The following OSBP2 variants were observed in gnomAD, a reference collection of about 807,000 sequenced individuals.
OSBP2 encodes oxysterol-binding protein 2.
In OSBP2, 66 loss-of-function variants were observed where a neutral mutation model predicts 96.0. The observed-to-expected ratio is 0.69, with a 90% CI of 0.56 to 0.84. The LOEUF (loss-of-function observed/expected upper bound fraction) is 0.84, where lower values mean the gene tolerates loss of function less well. Among genes scored for constraint, OSBP2 ranks in the 40% least tolerant of loss-of-function variants. The pLI, the probability that OSBP2 is intolerant of heterozygous loss-of-function variation, is 0.00. For synonymous variants in OSBP2, 525 were observed against 520.9 expected (o/e 1.01, Z -0.11); for missense variants, 1,038 against 1,222.7 (o/e 0.85, Z 2.25).
intron 2 of OSBP2, among the ~76,000 whole-genome samples, chr22:30,799,146 G>T (rs1296942486): frequency 7.0e-6 from 1 of 142,426 alleles, no homozygotes; most frequent in African/African-American, 2.6e-5. Flanking sequence ...GTCTCACTGT[G>T]TCGCCCAGGC....
intron 2 of OSBP2, among the ~76,000 whole-genome samples, chr22:30,848,305 C>T: frequency 6.6e-6 from 1 of 152,122 alleles, no homozygotes; most frequent in South Asian, 2.1e-4. Flanking sequence ...GTCCTAAAAG[C>T]TATTGCAAAC....
chr22:30,863,721 T>G (rs2039272859), intron 2 of OSBP2, among the ~76,000 whole-genome samples: 1 of 152,156 alleles, frequency 6.6e-6, no homozygotes, highest in African/African-American at 2.4e-5. Context: ...CTGTCTCCAT[T>G]AATCACACTG....
chr22:30,904,719 A>G (rs1352926135), intron 12 of OSBP2, among the ~76,000 whole-genome samples: 1 of 152,200 alleles, frequency 6.6e-6, no homozygotes, highest in Non-Finnish European at 1.5e-5. Context: ...CTCTTCAATC[A>G]CATGGAACGT....
intron 2 of OSBP2, among the ~76,000 whole-genome samples, chr22:30,798,510 GA>G (rs1222068817): frequency 2.0e-5 from 3 of 152,132 alleles, no homozygotes; most frequent in African/African-American, 7.2e-5. Flanking sequence ...CCAATGTTGT[GA>G]AGCTTTTGCA....
Position 30,889,245 on chromosome 22 carries a change from G to T in OSBP2, c.1476+11G>T. 1 of 1,612,346 alleles carries T rather than the reference G, an allele frequency of 6.2e-7. No homozygotes were observed. Among genetic ancestry groups the T allele is most frequent in the Non-Finnish European group, 8.5e-7 (1 of 1,179,408 alleles). ...AGCTCAGCAGACAATGTAAGTGAGG[G>T]GGAGCACTGTAAGGGCCAGAAGGCA... On this transcript the variant is annotated intron_variant, in intron 6 of 13. Coordinates refer to ENST00000332585, the MANE Select transcript of OSBP2 (RefSeq NM_030758.4).
chr22:30,815,289 C>A (rs1159865319), intron 2 of OSBP2, among the ~76,000 whole-genome samples: 1 of 152,036 alleles, frequency 6.6e-6, no homozygotes. Flanking sequence ...TCTTTTTTAA[C>A]AAAACAAAAC....
intron 3 of OSBP2, among the ~76,000 whole-genome samples, chr22:30,873,478 A>G (rs2039504589): frequency 1.3e-5 from 2 of 152,100 alleles, no homozygotes; most frequent in Admixed American, 1.3e-4. Context: ...GGACTTGGAT[A>G]TGGAAGCCAC....
rs1385446537 is a variant in OSBP2 at position 30,771,398 on chromosome 22, C to T, written c.853+30029C>T. ...GCTTCCAGAGGCTCCAGAGGGGCAA[C>T]CTGGGGTGCTGGGGAGGGCCTGATG... On this transcript the variant is annotated intron_variant, in intron 2 of 13. Transcript: ENST00000332585. Among the ~76,000 whole-genome samples the T allele has an allele frequency of 2.6e-5, 4 of 152,322 alleles. No individual in the cohort carries two copies. The East Asian group carries it at 7.7e-4, about 29-fold the overall frequency.
In OSBP2 at chr22:30,703,616, C is replaced by G. The variant is rs139815080; in HGVS notation, c.644+8063C>G. On this transcript the variant is annotated intron_variant, in intron 1 of 13. Transcript: ENST00000332585. Reference sequence around the variant, plus strand: ...TTAGTCTCCCAAGTAGCTGGGAGTACAGTCACCTGCCACCATGCCCTGCTA... The same window carrying G: ...TTAGTCTCCCAAGTAGCTGGGAGTAGAGTCACCTGCCACCATGCCCTGCTA... Among the ~76,000 whole-genome samples, 397 of 152,036 alleles carry G rather than the reference C, an allele frequency of 2.6e-3. 1 individual carries two copies. The highest frequency in any genetic ancestry group is 8.9e-3 in the African/African-American group (371 of 41,472).
intron 12 of OSBP2, among the ~76,000 whole-genome samples, chr22:30,900,875 T>C (rs972879628): frequency 2.0e-5 from 3 of 152,190 alleles, no homozygotes; most frequent in African/African-American, 7.2e-5. Context: ...CATTCATATA[T>C]TTGACCATAT....
intron 1 of OSBP2, among the ~76,000 whole-genome samples, chr22:30,711,739 CAAA>C (rs34152986): frequency 1.0e-3 from 96 of 91,800 alleles, no homozygotes; most frequent in South Asian, 5.0e-3. Flanking sequence ...GACCCTATCT[CAAA>C]AAAAAAAAAA....
intron 2 of OSBP2, among the ~76,000 whole-genome samples, chr22:30,868,158 G>C (rs866941286): frequency 7.2e-5 from 11 of 152,272 alleles, no homozygotes; most frequent in Admixed American, 4.6e-4. Flanking sequence ...ACCCGGAAAG[G>C]TGTGGTACAC....
chr22:30,730,281 C>T (rs951923771), intron 1 of OSBP2, among the ~76,000 whole-genome samples: 3 of 152,080 alleles, frequency 2.0e-5, no homozygotes, highest in Non-Finnish European at 2.9e-5. Context: ...GCTTTTAAAG[C>T]CAATTTTTAT....
chr22:30,841,762 A>T (rs1332694644), intron 2 of OSBP2, among the ~76,000 whole-genome samples: 1 of 152,184 alleles, frequency 6.6e-6, no homozygotes, highest in Non-Finnish European at 1.5e-5. Context: ...GTGGTTTGGG[A>T]GGCTGAGGCA....
At chr22:30,695,583 G>C (rs1215933761) in intron 1 of OSBP2, 30 bp downstream of exon 1, 2 of 1,580,152 alleles carry the variant, frequency 1.3e-6, no homozygotes, top group East Asian at 2.2e-5. Context: ...GGACATGGGG[G>C]TTGGAGGGTG....
intron 1 of OSBP2, among the ~76,000 whole-genome samples, chr22:30,739,234 T>C (rs2089900098): frequency 6.6e-6 from 1 of 152,150 alleles, no homozygotes; most frequent in African/African-American, 2.4e-5. Flanking sequence ...ATCTTATAAG[T>C]CCGTTGTTAT....
chr22:30,711,118 G>A (rs1189126560), intron 1 of OSBP2, among the ~76,000 whole-genome samples: 1 of 152,124 alleles, frequency 6.6e-6, no homozygotes, highest in Non-Finnish European at 1.5e-5. Flanking sequence ...GTGGGAAATA[G>A]TGTTTGAAGA....
At chr22:30,758,406 T>TA (rs1569111447) in intron 2 of OSBP2, among the ~76,000 whole-genome samples, 2 of 151,718 alleles carry the variant, frequency 1.3e-5, no homozygotes, top group East Asian at 3.9e-4. Context: ...GTCTCAAAAA[T>TA]AAAATAAAAT....
chr22:30,866,261 G>A (rs77683404), intron 2 of OSBP2, among the ~76,000 whole-genome samples: 4,296 of 152,300 alleles, frequency 0.028, 168 homozygotes, highest in African/African-American at 0.097. Flanking sequence ...ATCAGAGAGA[G>A]TAGAAGATGC....
Sources: allele counts gnomAD v4.1 joint callset (sites outside exome capture counted in the v4.1 genomes callset), GRCh38; gene constraint gnomAD v4.1.1; transcripts MANE v1.5; gene names NCBI Gene and HGNC (gene_info 2026-07-23, HGNC 2026-07-21).